Variants in DAB1 observed in about 807,000 individuals in gnomAD.
The protein encoded by DAB1 is DAB adaptor protein 1.
In DAB1, 15 loss-of-function variants were observed where a neutral mutation model predicts 64.6. The observed-to-expected ratio is 0.23, with a 90% CI of 0.16 to 0.36. The LOEUF (loss-of-function observed/expected upper bound fraction) is 0.36. DAB1 is among the 10% of genes least tolerant of loss of function. The pLI, the probability that DAB1 is intolerant of heterozygous loss-of-function variation, is 1.00. For missense variants in DAB1, 596 were observed against 706.7 expected, an observed-to-expected ratio of 0.84 and a Z score of 1.78; for synonymous variants, 235 against 251.9, an observed-to-expected ratio of 0.93 and a Z score of 0.64.
intron 4 of DAB1, among the ~76,000 whole-genome samples, chr1:58,230,779 G>A (rs965067824): frequency 1.3e-5 from 2 of 152,198 alleles, no homozygotes; most frequent in African/African-American, 4.8e-5. Context: ...CTTAATAAAG[G>A]TGTAACACAG....
chr1:57,090,674 T>G (rs1653570367), intron 4 of DAB1, among the ~76,000 whole-genome samples: 1 of 152,206 alleles, frequency 6.6e-6, no homozygotes, highest in South Asian at 2.1e-4. Flanking sequence ...TCCTATCTCC[T>G]AGCTATTCCC....
chr1:57,292,159 G>T (rs1672830384), intron 1 of DAB1, among the ~76,000 whole-genome samples: 1 of 152,104 alleles, frequency 6.6e-6, no homozygotes, highest in East Asian at 1.9e-4. Flanking sequence ...ATGTAGAATG[G>T]TTTAATAGAA....
At chr1:58,385,483 C>T (rs1342465826) in intron 3 of DAB1, among the ~76,000 whole-genome samples, 1 of 152,146 alleles carries the variant, frequency 6.6e-6, no homozygotes, top group East Asian at 1.9e-4. Flanking sequence ...TTCCAATCCC[C>T]CATCCCCACC....
intron 2 of DAB1, among the ~76,000 whole-genome samples, chr1:57,239,882 C>T (rs2100470259): frequency 6.6e-6 from 1 of 152,274 alleles, no homozygotes; most frequent in East Asian, 1.9e-4. Context: ...AGGCAAGAAA[C>T]TTTTAAAGTG....
intron 2 of DAB1, among the ~76,000 whole-genome samples, chr1:57,202,114 A>G (rs1665151954): frequency 6.6e-6 from 1 of 152,166 alleles, no homozygotes; most frequent in Admixed American, 6.5e-5. Flanking sequence ...ATCTCCCCCA[A>G]TATTCCTATA....
chr1:58,296,001 G>A (rs1408510600), intron 4 of DAB1, among the ~76,000 whole-genome samples: 3 of 150,350 alleles, frequency 2.0e-5, no homozygotes, highest in Admixed American at 1.3e-4. Context: ...GCTGAAGCAG[G>A]AGAATCACTT....
intron 5 of DAB1, among the ~76,000 whole-genome samples, chr1:57,999,316 T>A (rs529101993): frequency 1.3e-5 from 2 of 152,276 alleles, no homozygotes; most frequent in Admixed American, 1.3e-4. Flanking sequence ...TCGAAGTGTG[T>A]CCTGGACCAG....
chr1:57,856,437 G>GT (rs1487971104), intron 1 of DAB1, among the ~76,000 whole-genome samples: 1 of 152,144 alleles, frequency 6.6e-6, no homozygotes, highest in Non-Finnish European at 1.5e-5. Flanking sequence ...AATAAAAGTA[G>GT]TTACTGTACA....
At chr1:57,796,578 T>C (rs1650881774) in intron 6 of DAB1, among the ~76,000 whole-genome samples, 1 of 149,686 alleles carries the variant, frequency 6.7e-6, no homozygotes, top group South Asian at 2.1e-4. Context: ...TCATAATCCA[T>C]TTATTGGATA....
chr1:57,760,389 C>T (rs1043984931), intron 6 of DAB1, among the ~76,000 whole-genome samples: 2 of 151,984 alleles, frequency 1.3e-5, no homozygotes, highest in African/African-American at 4.8e-5. Context: ...AAATATAAAG[C>T]ATTTTTTTTA....
At chr1:58,522,323 T>C (rs1016742837) in intron 2 of DAB1, among the ~76,000 whole-genome samples, 5 of 152,076 alleles carry the variant, frequency 3.3e-5, no homozygotes, top group African/African-American at 1.2e-4. Context: ...AACTTTAAAG[T>C]TGAAGAAAAA....
chr1:57,447,089 C>T (rs1301698120), intron 7 of DAB1, among the ~76,000 whole-genome samples: 2 of 152,242 alleles, frequency 1.3e-5, no homozygotes, highest in Non-Finnish European at 2.9e-5. Context: ...AATACTAGTT[C>T]TCTTCCAAAG....
At chr1:57,421,272 A>G (rs1684860268) in intron 1 of DAB1, among the ~76,000 whole-genome samples, 1 of 152,222 alleles carries the variant, frequency 6.6e-6, no homozygotes, top group African/African-American at 2.4e-5. Context: ...CAAATGAAAC[A>G]TACTGTGAAA....
chr1:57,329,149 C>T (rs1233203141), intron 1 of DAB1, among the ~76,000 whole-genome samples: 1 of 152,200 alleles, frequency 6.6e-6, no homozygotes, highest in Non-Finnish European at 1.5e-5. Flanking sequence ...CAGCTGGAGT[C>T]CAGCACAATG....
At chr1:57,601,206 C>A (rs1018141142) in intron 7 of DAB1, among the ~76,000 whole-genome samples, 1 of 152,150 alleles carries the variant, frequency 6.6e-6, no homozygotes, top group Non-Finnish European at 1.5e-5. Context: ...CCAGACTCCA[C>A]AGACTGCCTT....
chr1:57,571,121 TC>T (rs952429495), intron 7 of DAB1, among the ~76,000 whole-genome samples: 2 of 152,204 alleles, frequency 1.3e-5, no homozygotes, highest in African/African-American at 4.8e-5. Flanking sequence ...TTTAGGGTTT[TC>T]TAGGTATATC....
chr1:58,401,273 C>T (rs928568868), intron 3 of DAB1, among the ~76,000 whole-genome samples: 3 of 152,328 alleles, frequency 2.0e-5, no homozygotes, highest in Non-Finnish European at 4.4e-5. Context: ...TAACTGACCT[C>T]GTCTTCTGCT....
chr1:57,416,494 CT>C (rs929132888), intron 1 of DAB1, among the ~76,000 whole-genome samples: 56 of 152,204 alleles, frequency 3.7e-4, no homozygotes, highest in African/African-American at 1.3e-3. Context: ...GTAGATAGCT[CT>C]AGTGAATCGA....
intron 7 of DAB1, among the ~76,000 whole-genome samples, chr1:57,601,630 T>C (rs572925213): frequency 1.3e-5 from 2 of 152,218 alleles, no homozygotes; most frequent in African/African-American, 4.8e-5. Flanking sequence ...AAAATGAGGA[T>C]GTTAATAATG....
Sources: gnomAD v4.1 joint callset for allele counts (sites outside exome capture counted in the v4.1 genomes callset) on GRCh38, gnomAD v4.1.1 for gene constraint, MANE v1.5 for transcripts, NCBI Gene and HGNC (gene_info 2026-07-23, HGNC 2026-07-21) for gene names.